The following GLIS3 variants were observed in gnomAD, a reference collection of about 807,000 sequenced individuals.
GLIS3 encodes the protein zinc finger protein GLIS3.
Under a neutral mutation model 78.6 loss-of-function variants are expected in GLIS3, and 53 were observed. The observed-to-expected ratio is 0.67, with a 90% confidence interval of 0.54 to 0.85. The LOEUF is 0.85. Ranked by LOEUF, GLIS3 falls within the 40% of genes least tolerant of loss-of-function variation. The pLI, the probability that GLIS3 is intolerant of heterozygous loss-of-function variation, is 0.00. For synonymous variants in GLIS3, 684 were observed against 509.9 expected, an observed-to-expected ratio of 1.34 and a Z score of -4.60; for missense variants, 1,703 against 1,231.1, an observed-to-expected ratio of 1.38 and a Z score of -5.74.
chr9:4,153,483 C>A (rs991461694), intron 2 of GLIS3, among the ~76,000 whole-genome samples: 1 of 152,026 alleles, frequency 6.6e-6, no homozygotes, highest in African/African-American at 2.4e-5. Flanking sequence ...AGAATCACTT[C>A]AGCCCAGGAG....
chr9:4,305,851 C>A (rs951092076), intron 4 of GLIS3: 2 of 152,156 alleles, frequency 1.3e-5, no homozygotes, highest in African/African-American at 4.8e-5. Context: ...CAGAGAATAG[C>A]CCTGATGGAA....
chr9:4,187,601 C>A (rs1304490824), intron 2 of GLIS3, among the ~76,000 whole-genome samples: 1 of 152,164 alleles, frequency 6.6e-6, no homozygotes, highest in Non-Finnish European at 1.5e-5. Context: ...TGGCCATTTT[C>A]CCGATATTGA....
chr9:4,041,607 G>C (rs1232146496), intron 4 of GLIS3, among the ~76,000 whole-genome samples: 1 of 151,984 alleles, frequency 6.6e-6, no homozygotes, highest in East Asian at 1.9e-4. Flanking sequence ...TAATCAGTAT[G>C]GTTCTTGTTT....
chr9:4,389,282 C>G, the GLIS3 span, among the ~76,000 whole-genome samples: 1 of 152,228 alleles, frequency 6.6e-6, no homozygotes, highest in South Asian at 2.1e-4. Flanking sequence ...CCTAACAGCT[C>G]TGCTACCCTG....
intron 2 of GLIS3, among the ~76,000 whole-genome samples, chr9:4,208,478 A>C (rs1447663861): frequency 1.3e-5 from 2 of 152,178 alleles, no homozygotes; most frequent in East Asian, 3.9e-4. Flanking sequence ...TAAGTTGCTC[A>C]ACATGGTGTA....
intron 2 of GLIS3, among the ~76,000 whole-genome samples, chr9:4,280,560 G>A (rs1827452780): frequency 6.6e-6 from 1 of 152,050 alleles, no homozygotes; most frequent in African/African-American, 2.4e-5. Flanking sequence ...CAGAAGGCCA[G>A]ATCAAACTTT....
intron 4 of GLIS3, among the ~76,000 whole-genome samples, chr9:4,061,563 C>T (rs1826658422): frequency 6.6e-6 from 1 of 151,946 alleles, no homozygotes; most frequent in Non-Finnish European, 1.5e-5. Flanking sequence ...ATATAAATAG[C>T]CATAAAATGG....
the GLIS3 span, among the ~76,000 whole-genome samples, chr9:4,490,148 A>C: frequency 6.6e-6 from 1 of 152,216 alleles, no homozygotes; most frequent in Non-Finnish European, 1.5e-5. Context: ...GTCCGCGCCC[A>C]GGAGGGCAGT....
chr9:4,139,838 G>A (rs949986873), intron 2 of GLIS3, among the ~76,000 whole-genome samples: 7 of 152,158 alleles, frequency 4.6e-5, no homozygotes, highest in African/African-American at 1.7e-4. Flanking sequence ...CTGACACGAG[G>A]CGAAGCTTGG....
intron 4 of GLIS3, among the ~76,000 whole-genome samples, chr9:4,049,136 C>CAG (rs1319895278): frequency 1.3e-5 from 2 of 152,146 alleles, no homozygotes; most frequent in Non-Finnish European, 2.9e-5. Context: ...AGAAAACACA[C>CAG]ATCTAATAAC....
the GLIS3 span, among the ~76,000 whole-genome samples, chr9:4,366,163 A>T: frequency 6.6e-6 from 1 of 152,212 alleles, no homozygotes; most frequent in Non-Finnish European, 1.5e-5. Flanking sequence ...ATTAACTTTA[A>T]CCGTCCTTAA....
At chr9:4,384,907 A>C in the GLIS3 span, among the ~76,000 whole-genome samples, 1 of 152,016 alleles carries the variant, frequency 6.6e-6, no homozygotes, top group African/African-American at 2.4e-5. Context: ...ACTGTTGCAC[A>C]ACATTGGGTC....
At chr9:4,281,498 C>A (rs768082716) in intron 2 of GLIS3, among the ~76,000 whole-genome samples, 3 of 152,182 alleles carry the variant, frequency 2.0e-5, no homozygotes, top group Non-Finnish European at 4.4e-5. Flanking sequence ...TGAATTTGAC[C>A]ATTCCAGGAA....
chr9:4,407,632 G>A, the GLIS3 span, among the ~76,000 whole-genome samples: 2 of 152,184 alleles, frequency 1.3e-5, no homozygotes, highest in Non-Finnish European at 2.9e-5. Context: ...GGGAGACAGA[G>A]CAAGACTCTC....
chr9:4,279,334 C>T lies in GLIS3; in HGVS notation c.388+6704G>A, dbSNP rs1447615934. On this transcript the variant is annotated intron_variant, in intron 2 of 10. Transcript: ENST00000381971. ...AAAAAAATATATATATACACACACA[C>T]ACACACACACACACACACACACACA... Among the ~76,000 whole-genome samples, 161 of 89,196 alleles carry T rather than the reference C, an allele frequency of 1.8e-3. 5 individuals carry two copies. The highest frequency in any genetic ancestry group is 5.6e-3 in the African/African-American group (126 of 22,308). 58.5% of individuals were successfully genotyped at this position (89,196 alleles called of 152,430 possible). A position where few individuals can be genotyped will look rare whatever the true frequency, so the allele number is the denominator to read the frequency against.
At chr9:4,406,073 A>G in the GLIS3 span, among the ~76,000 whole-genome samples, 11 of 152,228 alleles carry the variant, frequency 7.2e-5, 1 homozygote, top group South Asian at 2.3e-3. Context: ...CCTCAACATA[A>G]TAAAAGACTA....
the GLIS3 span, among the ~76,000 whole-genome samples, chr9:4,481,361 G>C: frequency 6.6e-6 from 1 of 152,110 alleles, no homozygotes; most frequent in African/African-American, 2.4e-5. Context: ...GTGTGTGCCT[G>C]TAATCCCAGC....
intron 2 of GLIS3, among the ~76,000 whole-genome samples, chr9:4,220,376 C>T (rs910500405): frequency 9.9e-5 from 15 of 152,146 alleles, no homozygotes; most frequent in African/African-American, 1.4e-4. Flanking sequence ...CTTGTAAATT[C>T]GTGGGCACGA....
At chr9:4,156,614 CT>C (rs1378787347) in intron 2 of GLIS3, among the ~76,000 whole-genome samples, 2 of 152,240 alleles carry the variant, frequency 1.3e-5, no homozygotes, top group Non-Finnish European at 2.9e-5. Flanking sequence ...CTTCAACCCA[CT>C]GGAAGATAAA....
Sources: gnomAD v4.1 joint callset for allele counts (sites outside exome capture counted in the v4.1 genomes callset) on GRCh38, gnomAD v4.1.1 for gene constraint, MANE v1.5 for transcripts, NCBI Gene and HGNC (gene_info 2026-07-23, HGNC 2026-07-21) for gene names.